Variants in CCDC91 observed in about 807,000 individuals in gnomAD.
CCDC91 encodes coiled-coil domain-containing protein 91.
In CCDC91, 48 loss-of-function variants were observed where a neutral mutation model predicts 63.2. That is an observed-to-expected ratio of 0.76 (90% CI 0.60 to 0.97). The LOEUF (loss-of-function observed/expected upper bound fraction) is 0.97, where lower values mean the gene tolerates loss of function less well. Ranked by LOEUF, CCDC91 falls within the 50% of genes least tolerant of loss-of-function variation. The probability of loss-of-function intolerance (pLI) is 0.00; values close to 1 mark genes in which losing one functional copy is unlikely to be tolerated. For missense variants in CCDC91, 500 were observed against 494.6 expected, an observed-to-expected ratio of 1.01 and a Z score of -0.10; for synonymous variants, 167 against 165.8, an observed-to-expected ratio of 1.01 and a Z score of -0.06.
chr12:28,283,658 T>C (rs978853994), intron 3 of CCDC91, among the ~76,000 whole-genome samples: 1 of 152,188 alleles, frequency 6.6e-6, no homozygotes, highest in Non-Finnish European at 1.5e-5. Flanking sequence ...TATTTGCATA[T>C]ATATAGTATT....
chr12:28,420,850 C>G (rs1288412618), intron 8 of CCDC91, among the ~76,000 whole-genome samples: 2 of 151,736 alleles, frequency 1.3e-5, no homozygotes, highest in African/African-American at 4.8e-5. Flanking sequence ...TTAGAATCCG[C>G]AAAATTTTTG....
At chr12:28,476,647 C>CA (rs1379038021) in intron 11 of CCDC91, among the ~76,000 whole-genome samples, 2 of 151,858 alleles carry the variant, frequency 1.3e-5, no homozygotes, top group African/African-American at 4.8e-5. Flanking sequence ...GATAGAAACA[C>CA]AAAAAACCCT....
At chr12:28,268,053 T>A (rs1192162274) in intron 3 of CCDC91, among the ~76,000 whole-genome samples, 1 of 140,120 alleles carries the variant, frequency 7.1e-6, no homozygotes, top group South Asian at 2.2e-4. Context: ...AAATTAAAAA[T>A]TAAAAATAAT....
intron 6 of CCDC91, among the ~76,000 whole-genome samples, chr12:28,318,065 A>T (rs1940083635): frequency 6.6e-6 from 1 of 152,012 alleles, no homozygotes; most frequent in African/African-American, 2.4e-5. Context: ...AAATGAAAAT[A>T]GCTTTAACTC....
intron 12 of CCDC91, chr12:28,505,566 C>T (rs1232440158): frequency 6.6e-6 from 1 of 151,870 alleles, no homozygotes; most frequent in Non-Finnish European, 1.5e-5. Context: ...TCATTTCTTT[C>T]CTTGTTTAAG....
intron 8 of CCDC91, among the ~76,000 whole-genome samples, chr12:28,414,535 C>G (rs1429523589): frequency 6.6e-6 from 1 of 152,002 alleles, no homozygotes; most frequent in Non-Finnish European, 1.5e-5. Context: ...TACTTTATGT[C>G]TAGGTTTAAT....
At chr12:28,542,556 G>T (rs527253899) in intron 12 of CCDC91, among the ~76,000 whole-genome samples, 1 of 152,182 alleles carries the variant, frequency 6.6e-6, no homozygotes, top group African/African-American at 2.4e-5. Context: ...TGGTGAAGAG[G>T]TTAGGCCTAA....
At chr12:28,330,229 T>C (rs2348232) in intron 6 of CCDC91, among the ~76,000 whole-genome samples, 139,072 of 152,186 alleles carry the variant, frequency 0.91, 64,731 homozygotes, top group East Asian at 1. Context: ...TACACTCCCA[T>C]CAGCAGTGTA....
chr12:28,243,202 G>A (rs1463769580), intron 1 of CCDC91, among the ~76,000 whole-genome samples: 1 of 152,176 alleles, frequency 6.6e-6, no homozygotes, highest in Non-Finnish European at 1.5e-5. Flanking sequence ...TGGGCAGTCC[G>A]TGCAGGGTAT....
At chr12:28,499,276 C>T (rs934105657) in intron 12 of CCDC91, among the ~76,000 whole-genome samples, 1 of 151,642 alleles carries the variant, frequency 6.6e-6, no homozygotes, top group Non-Finnish European at 1.5e-5. Flanking sequence ...AAGTAGTATA[C>T]ATTTAATTCC....
chr12:28,528,237 A>G (rs971385251), intron 12 of CCDC91, among the ~76,000 whole-genome samples: 3 of 152,028 alleles, frequency 2.0e-5, no homozygotes, highest in Admixed American at 1.3e-4. Flanking sequence ...CAAGGCAGAA[A>G]ATGCCTTGCT....
At chr12:28,204,191 C>CA (rs1276384181) in intron 1 of CCDC91, among the ~76,000 whole-genome samples, 1 of 152,106 alleles carries the variant, frequency 6.6e-6, no homozygotes, top group Non-Finnish European at 1.5e-5. Flanking sequence ...TTGGTGCCCT[C>CA]AAAAAATTGG....
intron 1 of CCDC91, among the ~76,000 whole-genome samples, chr12:28,194,543 A>T (rs4284426): frequency 0.28 from 41,874 of 151,860 alleles, 6,009 homozygotes; most frequent in Non-Finnish European, 0.31. Flanking sequence ...GCAGTGAGTG[A>T]TACAGCTCTT....
chr12:28,313,730 C>T (rs1211261230), intron 6 of CCDC91, among the ~76,000 whole-genome samples: 2 of 151,940 alleles, frequency 1.3e-5, no homozygotes, highest in East Asian at 1.9e-4. Flanking sequence ...TGTGCTATGT[C>T]CCCTTTTCCT....
chr12:28,533,748 G>A (rs1282590116), intron 12 of CCDC91, among the ~76,000 whole-genome samples: 2 of 150,082 alleles, frequency 1.3e-5, no homozygotes, highest in African/African-American at 4.9e-5. Context: ...TGCCTTTTTA[G>A]AATAAAATAA....
At chr12:28,470,573 C>T (rs1280394417) in intron 11 of CCDC91, among the ~76,000 whole-genome samples, 1 of 152,104 alleles carries the variant, frequency 6.6e-6, no homozygotes, top group African/African-American at 2.4e-5. Flanking sequence ...ATCCAGCCAT[C>T]CCACTCCTGG....
intron 3 of CCDC91, among the ~76,000 whole-genome samples, chr12:28,267,944 A>AATTAT (rs1555170677): frequency 9.6e-6 from 1 of 103,708 alleles, no homozygotes; most frequent in Non-Finnish European, 1.8e-5. Flanking sequence ...AATTATATAT[A>AATTAT]ATTATTATAT....
intron 3 of CCDC91, among the ~76,000 whole-genome samples, chr12:28,270,853 T>A (rs1300139678): frequency 6.6e-6 from 1 of 152,168 alleles, no homozygotes; most frequent in Non-Finnish European, 1.5e-5. Context: ...CAACCTTCTA[T>A]TGTTTGATTT....
At chr12:28,468,534 A>G (rs999486086) in intron 11 of CCDC91, among the ~76,000 whole-genome samples, 26 of 151,968 alleles carry the variant, frequency 1.7e-4, no homozygotes, top group African/African-American at 5.6e-4. Flanking sequence ...ACTAATACCA[A>G]TCCTTCTCAA....
Sources: allele counts gnomAD v4.1 joint callset (sites outside exome capture counted in the v4.1 genomes callset), GRCh38; gene constraint gnomAD v4.1.1; transcripts MANE v1.5; gene names NCBI Gene and HGNC (gene_info 2026-07-23, HGNC 2026-07-21).